The following ATF7IP variants were observed in gnomAD, a reference collection of about 807,000 sequenced individuals.
ATF7IP encodes activating transcription factor 7 interacting protein.
A neutral mutation model predicts 106.4 loss-of-function variants in ATF7IP; 23 were observed. That is an observed-to-expected ratio of 0.22 (90% CI 0.16 to 0.31). The LOEUF (loss-of-function observed/expected upper bound fraction) is 0.31, where lower values mean the gene tolerates loss of function less well. Ranked by LOEUF, ATF7IP falls within the 10% of genes least tolerant of loss-of-function variation. ATF7IP has a pLI of 1.00. For missense variants in ATF7IP, 1,334 were observed against 1,524.3 expected (o/e 0.88, Z 2.08); for synonymous variants, 542 against 539.0 (o/e 1.01, Z -0.08).
At chr12:14,478,582 T>C (rs1944333199) in intron 12 of ATF7IP, 110 bp downstream of exon 12, 4 of 1,311,146 alleles carry the variant, frequency 3.1e-6, no homozygotes, top group Non-Finnish European at 4.3e-6. Context: ...TCTTGTTAAT[T>C]TGAGGACTAC....
At chr12:14,447,177 T>C in intron 6 of ATF7IP, 124 bp downstream of exon 6, 1 of 571,590 alleles carries the variant, frequency 1.7e-6, no homozygotes, top group Admixed American at 3.9e-5. Context: ...TACTCCTCTA[T>C]GTAATTTCTG....
In ATF7IP at chr12:14,461,081, A is replaced by G; in HGVS notation, c.2745A>G (p.Ala915=). 6.2e-7 allele frequency: 1 copy of G among 1,614,210 alleles called. No homozygotes were observed. Among genetic ancestry groups the G allele is most frequent in the South Asian group, 1.1e-5 (1 of 91,084 alleles). The change falls in exon 9 of 15, where the codon GCA becomes GCG. Residue 915 remains alanine (A), a synonymous_variant. Transcript: ENST00000261168. The part of the protein sequence containing the change: ...GPIQMKIPIS[A]FSTSSAAEQN... Reference sequence around the variant, plus strand: ...TACAGATGAAAATTCCAATTTCTGCATTTAGTACTTCGTCTGCTGCAGAAC... The same window carrying G: ...TACAGATGAAAATTCCAATTTCTGCGTTTAGTACTTCGTCTGCTGCAGAAC...
intron 2 of ATF7IP, among the ~76,000 whole-genome samples, chr12:14,430,008 A>G (rs897930296): frequency 6.6e-6 from 1 of 152,204 alleles, no homozygotes. Flanking sequence ...GCATGTAGCT[A>G]TTAGGTGACA....
Position 14,502,128 on chromosome 12 carries a change from T to C in ATF7IP, c.*4055T>C, listed in dbSNP as rs1459007954. ...ATTTTGTTGTTTTATCACTGACCTG[T>C]GGTTGGCCTGTTTTATTCTAATTTC... On this transcript the variant is annotated 3_prime_UTR_variant, in exon 15 of 15. Coordinates refer to ENST00000261168, the MANE Select transcript of ATF7IP (RefSeq NM_018179.5). 1 of 152,236 alleles carries C rather than the reference T, an allele frequency of 6.6e-6. No homozygotes were observed. Among genetic ancestry groups the C allele is most frequent in the Admixed American group, 6.5e-5 (1 of 15,280 alleles). 9.4% of individuals were successfully genotyped at this position (152,236 alleles called of 1,614,324 possible). A position where few individuals can be genotyped will look rare whatever the true frequency, so the allele number is the denominator to read the frequency against.
At chr12:14,417,877 A>G (rs764890402) in intron 1 of ATF7IP, among the ~76,000 whole-genome samples, 4 of 152,184 alleles carry the variant, frequency 2.6e-5, no homozygotes, top group Non-Finnish European at 4.4e-5. Context: ...GTTGCTGGGC[A>G]GGAATCAGAA....
intron 5 of ATF7IP, among the ~76,000 whole-genome samples, chr12:14,439,032 G>C (rs1025085195): frequency 1.4e-4 from 21 of 152,032 alleles, no homozygotes; most frequent in Non-Finnish European, 8.8e-5. Flanking sequence ...TTAATAACAC[G>C]TATTTATTAA....
chr12:14,370,940 C>T (rs1421063726), intron 1 of ATF7IP, among the ~76,000 whole-genome samples: 1 of 151,074 alleles, frequency 6.6e-6, no homozygotes, highest in African/African-American at 2.4e-5. Context: ...GAAAAGGTAC[C>T]TTACTCCTTT....
intron 1 of ATF7IP, among the ~76,000 whole-genome samples, chr12:14,368,484 GTT>G (rs1938396287): frequency 6.6e-6 from 1 of 151,868 alleles, no homozygotes; most frequent in African/African-American, 2.4e-5. Flanking sequence ...TTTGTTTCCT[GTT>G]TTGCTTTTTG....
chr12:14,433,284 A>T (rs1283911596), intron 2 of ATF7IP, among the ~76,000 whole-genome samples: 2 of 152,148 alleles, frequency 1.3e-5, no homozygotes, highest in Non-Finnish European at 2.9e-5. Flanking sequence ...AGGGGGGTGG[A>T]TCACGAGGTC....
At chr12:14,369,416 G>GGT (rs879679118) in intron 1 of ATF7IP, 32 of 152,142 alleles carry the variant, frequency 2.1e-4, no homozygotes, top group Admixed American at 1.4e-3. Context: ...GTGCAGTGGT[G>GGT]TGATTTTGGC....
intron 13 of ATF7IP, among the ~76,000 whole-genome samples, chr12:14,491,198 G>T (rs1387535671): frequency 6.6e-6 from 1 of 152,110 alleles, no homozygotes; most frequent in African/African-American, 2.4e-5. Flanking sequence ...CTCCTGTTCT[G>T]GACCACACTC....
At chr12:14,450,321 T>A (rs1321136595) in intron 6 of ATF7IP, among the ~76,000 whole-genome samples, 1 of 152,230 alleles carries the variant, frequency 6.6e-6, no homozygotes, top group Non-Finnish European at 1.5e-5. Context: ...ATGGCCTTTG[T>A]TAAATTGAGA....
At chr12:14,445,479 T>A (rs145205695) in intron 5 of ATF7IP, among the ~76,000 whole-genome samples, 1 of 152,214 alleles carries the variant, frequency 6.6e-6, no homozygotes, top group Non-Finnish European at 1.5e-5. Context: ...CATGAGCCAC[T>A]GCACCTGGCT....
At chr12:14,433,602 G>A (rs1239666625) in intron 2 of ATF7IP, among the ~76,000 whole-genome samples, 3 of 151,586 alleles carry the variant, frequency 2.0e-5, no homozygotes, top group Non-Finnish European at 4.4e-5. Flanking sequence ...CCCGGGAGGC[G>A]GAGGTTGCAG....
intron 3 of ATF7IP, 45 bp from the exon 4 acceptor site, chr12:14,436,061 A>T (rs1353793977): frequency 1.8e-5 from 28 of 1,594,032 alleles, no homozygotes; most frequent in Non-Finnish European, 2.3e-5. Context: ...ATTAAGAGCT[A>T]TAAGAAAAAC....
At chr12:14,384,858 A>G (rs1355312229) in intron 1 of ATF7IP, among the ~76,000 whole-genome samples, 1 of 117,160 alleles carries the variant, frequency 8.5e-6, no homozygotes, top group Admixed American at 1.1e-4. Flanking sequence ...TTTTCATGAT[A>G]AAACTATAAA....
At position 14,481,188 on chromosome 12, in the gene ATF7IP, AAG is replaced by A; in HGVS notation, c.3280+7_3280+8del. Reference sequence around the variant, plus strand: ...TCGGCAGGTCAATCCCCAAAATAGTAAGAGATTTTTCTTGTATATGGCCCCAA... The same window carrying A: ...TCGGCAGGTCAATCCCCAAAATAGTAAGATTTTTCTTGTATATGGCCCCAA... On this transcript the variant is annotated splice_donor_5th_base_variant and intron_variant, in intron 13 of 14. Coordinates refer to ENST00000261168, the MANE Select transcript of ATF7IP (RefSeq NM_018179.5). The A allele has an allele frequency of 1.2e-6, 2 of 1,613,366 alleles. No homozygotes were observed. The highest frequency in any genetic ancestry group is 1.3e-5 in the African/African-American group (1 of 75,006).
intron 14 of ATF7IP, 130 bp downstream of exon 14, chr12:14,496,473 T>C: frequency 1.6e-6 from 1 of 611,798 alleles, no homozygotes; most frequent in Non-Finnish European, 2.9e-6. Flanking sequence ...TTCAGAAGTT[T>C]ATTTCTAAAA....
At chr12:14,378,103 T>TTA (rs1166649878) in intron 1 of ATF7IP, among the ~76,000 whole-genome samples, 1 of 147,274 alleles carries the variant, frequency 6.8e-6, no homozygotes. Context: ...TCTTTTTCTT[T>TTA]TTTTTTTTTT....
Sources: gnomAD v4.1 joint callset for allele counts (sites outside exome capture counted in the v4.1 genomes callset) on GRCh38, gnomAD v4.1.1 for gene constraint, MANE v1.5 for transcripts, NCBI Gene and HGNC (gene_info 2026-07-23, HGNC 2026-07-21) for gene names.